LYPD4: variants seen among roughly 807,000 people sequenced by gnomAD.
LYPD4 encodes the protein ly6/PLAUR domain-containing protein 4.
Under a neutral mutation model 18.2 loss-of-function variants are expected in LYPD4, and 20 were observed. That is an observed-to-expected ratio of 1.10 (90% CI 0.77 to 1.59). The LOEUF (loss-of-function observed/expected upper bound fraction) is 1.59. Ranked by LOEUF, LYPD4 falls within the 40% of genes most tolerant of loss-of-function variation. LYPD4 has a pLI of 0.00. For missense variants in LYPD4, 278 were observed against 300.3 expected (o/e 0.93, Z 0.55); for synonymous variants, 111 against 118.3 (o/e 0.94, Z 0.40).
chr19:41,838,032 G>C lies in LYPD4; in HGVS notation c.441C>G (p.Gly147=). Residue 147 remains glycine, a synonymous_variant, in exon 4 of 5, where the codon GGC becomes GGG. Transcript: ENST00000609812. The stretch of plus-strand genomic sequence containing the variant: ...TTGGGAGGCAATCCTTCATGTGCTC[G>C]CCCACACAGGTCGGGCAGCTACAGG... ...SASCSCPTCV[G]EHMKDCLPNF... is the part of the protein sequence containing the mutation. 1.9e-6 allele frequency: 3 copies of C among 1,614,128 alleles called. No individual in the cohort carries two copies. The highest frequency in any genetic ancestry group is 2.5e-6 in the Non-Finnish European group (3 of 1,180,006).
At chr19:41,843,223 G>T (rs1382724590) in intron 1 of LYPD4, among the ~76,000 whole-genome samples, 2 of 151,918 alleles carry the variant, frequency 1.3e-5, no homozygotes, top group Admixed American at 6.6e-5. Flanking sequence ...GTAGGAGGGG[G>T]TACAAAGATC....
chr19:41,839,096 A>C (rs1555832450), intron 2 of LYPD4, 72 bp from the exon 3 acceptor site: 1 of 1,609,170 alleles, frequency 6.2e-7, no homozygotes, highest in Non-Finnish European at 8.5e-7. Flanking sequence ...GCCAACCAAG[A>C]GTTCAGCCCC....
chr19:41,838,964 T>G lies in LYPD4; in HGVS notation c.128A>C (p.His43Pro). The G allele has an allele frequency of 6.2e-7, 1 of 1,613,998 alleles. No homozygotes were observed. ...TASRFRAVAF[H>P]NWKWLLMRNM... is the part of the protein sequence containing the mutation. ...CCTCATCAGAAGCCACTTCCAGTTA[T>G]GGAAAGCAACAGCTCTGAATCTTGA... The change falls in exon 3 of 5, where the codon CAT (histidine) becomes CCT (proline). Residue 43 changes from histidine to proline, a missense_variant. His to Pro is a moderately conservative substitution (Grantham distance 77, BLOSUM62 -2). Transcript: ENST00000609812.
chr19:41,843,000 C>T (rs186844728), intron 1 of LYPD4, among the ~76,000 whole-genome samples: 1 of 125,616 alleles, frequency 8.0e-6, no homozygotes, highest in East Asian at 2.5e-4. Flanking sequence ...GAGTTCTGGA[C>T]CAGCCTGGTT....
rs572873742 is a variant in LYPD4, at chr19:41,843,256, C to G, written c.-121+322G>C. Among the ~76,000 whole-genome samples, 4 of 151,886 alleles carry G rather than the reference C, an allele frequency of 2.6e-5. No individual in the cohort carries two copies. In the East Asian group the frequency reaches 5.8e-4, roughly 22 times the overall value. ...ATCACTGACCTTGGCCTCAGAGACC[C>G]AGGTTGGAATCTTTACCCCTTCATT... On this transcript the variant is annotated intron_variant, in intron 1 of 4. Coordinates refer to ENST00000609812, the MANE Select transcript of LYPD4 (RefSeq NM_173506.7).
At position 41,837,223 on chromosome 19, in the gene LYPD4, G is replaced by C. The variant is rs782195902; in HGVS notation, c.661C>G (p.Gln221Glu). The C allele has an allele frequency of 1.1e-5, 18 of 1,613,962 alleles. No homozygotes were observed. The South Asian group carries it at 2.0e-4, about 18-fold the overall frequency. Reference sequence around the variant, plus strand: ...CTGGAGGATGCTGCACCAACAATCTGAGACTTCTCTAAGATGTTGAGGACC... The same window carrying C: ...CTGGAGGATGCTGCACCAACAATCTCAGACTTCTCTAAGATGTTGAGGACC... Reference protein sequence around the residue: ...TEVLNILEKSQIVGAASSRQD... With the variant: ...TEVLNILEKSEIVGAASSRQD... The change falls in exon 5 of 5, where the codon CAG becomes GAG. Residue 221 changes from glutamine to glutamate, a missense_variant. By Grantham distance (29) the Gln-to-Glu change is conservative (BLOSUM62 2). Transcript: ENST00000609812.
downstream of LYPD4, chr19:41,835,720 C>G (rs2073363434): frequency 1.1e-6 from 1 of 940,620 alleles, no homozygotes; most frequent in African/African-American, 1.8e-5. Flanking sequence ...ATGGAGGTCA[C>G]AGAGGTCCAT....
intron 3 of LYPD4, 69 bp downstream of exon 3, chr19:41,838,812 G>A: frequency 6.7e-7 from 1 of 1,481,694 alleles, no homozygotes; most frequent in Admixed American, 1.8e-5. Context: ...CAGTCCCTCG[G>A]TGCTGGGAGT....
At position 41,839,299 on chromosome 19, in the gene LYPD4, G is replaced by A. The variant is rs544534989; in HGVS notation, c.-14C>T. ...CTGGGGTCCCATGGCCCTGTGTCTGGGTCCTGGGTGCTAGAGGTCAGTCTG... is the reference window on the plus strand; with the variant it reads ...CTGGGGTCCCATGGCCCTGTGTCTGAGTCCTGGGTGCTAGAGGTCAGTCTG... On this transcript the variant is annotated 5_prime_UTR_variant, in exon 2 of 5. Coordinates refer to ENST00000609812, the MANE Select transcript of LYPD4 (RefSeq NM_173506.7). 85 of 1,613,488 alleles carry A rather than the reference G, an allele frequency of 5.3e-5. No homozygotes were observed. In the South Asian group the frequency reaches 7.9e-4, roughly 15 times the overall value.
rs1345362994 is a variant in LYPD4 at position 41,838,237 on chromosome 19, A to G, written c.236T>C (p.Phe79Ser). Residue 79 changes from phenylalanine (F) to serine (S), a missense_variant, in exon 4 of 5, where the codon TTT becomes TCT. Phe to Ser is a radical substitution (Grantham distance 155). Coordinates refer to ENST00000609812, the MANE Select transcript of LYPD4 (RefSeq NM_173506.7). ...AGACGAAGACGAGCTGCAGCCTTTA[A>G]AGCCCACGACTCCCCTTGCAGTCCC... ...ETGTARGVVG[F>S]KGCSSSSSYP... The G allele has an allele frequency of 6.5e-7, 1 of 1,537,600 alleles. No individual in the cohort carries two copies. The highest frequency in any genetic ancestry group is 2.3e-5 in the East Asian group (1 of 43,770).
intron 3 of LYPD4, 113 bp downstream of exon 3, chr19:41,838,768 T>C (rs2073467280): frequency 3.0e-6 from 2 of 659,680 alleles, no homozygotes; most frequent in South Asian, 2.2e-5. Flanking sequence ...CATATATATA[T>C]ATATGTATAG....
At chr19:41,840,762 G>T (rs782402902) in intron 1 of LYPD4, among the ~76,000 whole-genome samples, 1 of 151,800 alleles carries the variant, frequency 6.6e-6, no homozygotes, top group Non-Finnish European at 1.5e-5. Context: ...CCCGGGAGGC[G>T]GAGCTTGCAG....
rs1600568482 is a variant in LYPD4, at chr19:41,843,051, AAAAAAAAAAAAAAAAAAAAAAAAAAACC to A, written c.-121+499_-121+526del. On this transcript the variant is annotated intron_variant, in intron 1 of 4. Coordinates refer to ENST00000609812, the MANE Select transcript of LYPD4 (RefSeq NM_173506.7). Reference sequence around the variant, plus strand: ...CATCGCTAAAAAAAAAAAAAAAAAAAAAAAAAAAAAAAAAAAAAAAAAAAAACCCCAACAACAACACTACACACATCCT... The same window carrying A: ...CATCGCTAAAAAAAAAAAAAAAAAAACCAACAACAACACTACACACATCCT... Among the ~76,000 whole-genome samples the A allele has an allele frequency of 6.9e-4, 33 of 47,818 alleles. 1 individual carries two copies. Among genetic ancestry groups the A allele is most frequent in the African/African-American group, 2.3e-3 (28 of 12,352 alleles). 31.4% of individuals were successfully genotyped at this position (47,818 alleles called of 152,430 possible). A position where few individuals can be genotyped will look rare whatever the true frequency, so the allele number is the denominator to read the frequency against.
chr19:41,839,094 A>G (rs2073486331), intron 2 of LYPD4, 70 bp from the exon 3 acceptor site: 1 of 1,609,116 alleles, frequency 6.2e-7, no homozygotes, highest in Non-Finnish European at 8.5e-7. Flanking sequence ...CTGCCAACCA[A>G]GAGTTCAGCC....
intron 4 of LYPD4, among the ~76,000 whole-genome samples, chr19:41,837,617 C>T (rs1352011726): frequency 2.0e-5 from 3 of 151,794 alleles, no homozygotes; most frequent in African/African-American, 7.3e-5. Flanking sequence ...TCACTTGAAC[C>T]TGGGAGGCAG....
At chr19:41,840,451 G>T (rs960201298) in intron 1 of LYPD4, among the ~76,000 whole-genome samples, 1 of 152,102 alleles carries the variant, frequency 6.6e-6, no homozygotes, top group Admixed American at 6.6e-5. Context: ...GCCCCTACAG[G>T]GAAACTGGAG....
At chr19:41,843,367 G>A (rs781868823) in intron 1 of LYPD4, among the ~76,000 whole-genome samples, 3 of 151,952 alleles carry the variant, frequency 2.0e-5, no homozygotes, top group Non-Finnish European at 2.9e-5. Flanking sequence ...TCATTGTGAA[G>A]ATCAATAAAA....
rs1466661598 is a variant in LYPD4 at position 41,844,310 on chromosome 19, C to CG, written c.-854dup. The CG allele has an allele frequency of 1.3e-5, 2 of 152,180 alleles. No individual in the cohort carries two copies. Among genetic ancestry groups the CG allele is most frequent in the Non-Finnish European group, 2.9e-5 (2 of 68,096 alleles). 9.4% of individuals were successfully genotyped at this position (152,180 alleles called of 1,614,324 possible). ...AATTCAGAAAAACTAGAGGCGTCCC[C>CG]GGTAGCGAAGGAAGCCGGGAAGGGG... is the stretch of plus-strand genomic sequence containing the variant. On this transcript the variant is annotated 5_prime_UTR_variant, in exon 1 of 5. Transcript: ENST00000609812.
intron 1 of LYPD4, among the ~76,000 whole-genome samples, chr19:41,842,443 G>T (rs782394749): frequency 1.3e-5 from 2 of 152,018 alleles, no homozygotes; most frequent in African/African-American, 4.8e-5. Flanking sequence ...CGCAGGAGTT[G>T]GAAGAAGTTG....
Sources: allele counts gnomAD v4.1 joint callset (sites outside exome capture counted in the v4.1 genomes callset), GRCh38; gene constraint gnomAD v4.1.1; transcripts MANE v1.5; gene names NCBI Gene and HGNC (gene_info 2026-07-23, HGNC 2026-07-21).